ADCY1: variants seen among roughly 807,000 people sequenced by gnomAD.
ADCY1 encodes the protein adenylate cyclase type 1.
In ADCY1, 28 loss-of-function variants were observed where a neutral mutation model predicts 105.4. That is an observed-to-expected ratio of 0.27 (90% CI 0.20 to 0.36). The LOEUF is 0.36. ADCY1 is among the 10% of genes least tolerant of loss of function. ADCY1 has a pLI of 1.00. For synonymous variants in ADCY1, 655 were observed against 623.8 expected (o/e 1.05, Z -0.75); for missense variants, 977 against 1,434.2 (o/e 0.68, Z 5.15).
At chr7:45,656,159 T>C (rs1025433633) in intron 5 of ADCY1, among the ~76,000 whole-genome samples, 4 of 151,638 alleles carry the variant, frequency 2.6e-5, no homozygotes, top group Admixed American at 6.6e-5. Context: ...AAAAATTAGC[T>C]GGGCATGGTG....
chr7:45,678,280 A>C lies in ADCY1; in HGVS notation c.1898+17A>C. 1 of 1,605,234 alleles carries C rather than the reference A, an allele frequency of 6.2e-7. No homozygotes were observed. The highest frequency in any genetic ancestry group is 8.5e-7 in the Non-Finnish European group (1 of 1,172,000). On this transcript the variant is annotated intron_variant, in intron 10 of 19. Coordinates refer to ENST00000297323, the MANE Select transcript of ADCY1 (RefSeq NM_021116.4). ...ATTCCCACAGTGAGTATTTCTATCAACGAGGTGAGGAACTCACCAAGAAGT... is the reference window on the plus strand; with the variant it reads ...ATTCCCACAGTGAGTATTTCTATCACCGAGGTGAGGAACTCACCAAGAAGT...
At chr7:45,628,516 C>T (rs2077653234) in intron 4 of ADCY1, among the ~76,000 whole-genome samples, 2 of 152,202 alleles carry the variant, frequency 1.3e-5, no homozygotes, top group East Asian at 1.9e-4. Flanking sequence ...GGAGGGTGAG[C>T]GGTTTCTGGA....
chr7:45,685,130 C>A (rs1434822050), intron 12 of ADCY1, 62 bp downstream of exon 12: 30 of 1,475,970 alleles, frequency 2.0e-5, no homozygotes, highest in Non-Finnish European at 2.8e-5. Context: ...GGAGGACCAG[C>A]CCAGAAGCCA....
chr7:45,719,966 T>G lies in ADCY1; in HGVS notation c.*5971T>G, dbSNP rs1785438308. 1 of 152,062 alleles carries G rather than the reference T, an allele frequency of 6.6e-6. No individual in the cohort carries two copies. Among genetic ancestry groups the G allele is most frequent in the South Asian group, 2.1e-4 (1 of 4,810 alleles). 9.4% of individuals were successfully genotyped at this position (152,062 alleles called of 1,614,324 possible). A position where few individuals can be genotyped will look rare whatever the true frequency, so the allele number is the denominator to read the frequency against. ...TAACTAGGTTCCATTTTCTTTGGTT[T>G]GGTTACTTATTTTTTCTTTTTGGGT... On this transcript the variant is annotated 3_prime_UTR_variant, in exon 20 of 20. Transcript: ENST00000297323.
chr7:45,721,702 G>A lies in ADCY1; in HGVS notation c.*7707G>A. 2 of 398,672 alleles carry A rather than the reference G, an allele frequency of 5.0e-6. No individual in the cohort carries two copies. The highest frequency in any genetic ancestry group is 8.8e-6 in the Non-Finnish European group (2 of 226,140). The allele number at this position is 398,672 out of a possible 1,614,324, so 24.7% of individuals were successfully genotyped here. A position where few individuals can be genotyped will look rare whatever the true frequency, so the allele number is the denominator to read the frequency against. The stretch of plus-strand genomic sequence containing the variant: ...GGTCCGGGTGCCTTCCCAGGGGTTA[G>A]AGGATGTTCAAAGGGCCGATTTCAG... On this transcript the variant is annotated 3_prime_UTR_variant, in exon 20 of 20. Transcript: ENST00000297323.
intron 3 of ADCY1, 51 bp downstream of exon 3, chr7:45,610,548 T>A: frequency 2.0e-6 from 3 of 1,493,750 alleles, no homozygotes; most frequent in Non-Finnish European, 2.8e-6. Context: ...AGCTGAGGTG[T>A]GGAGATAATG....
chr7:45,616,973 C>G (rs1490565440), intron 3 of ADCY1, among the ~76,000 whole-genome samples: 1 of 152,224 alleles, frequency 6.6e-6, no homozygotes, highest in Non-Finnish European at 1.5e-5. Flanking sequence ...GGTAGGGCAC[C>G]TTGATCCTCC....
In ADCY1 at chr7:45,721,986, G is replaced by A. The variant is rs1467983695; in HGVS notation, c.*7991G>A. 1 of 395,856 alleles carries A rather than the reference G, an allele frequency of 2.5e-6. No homozygotes were observed. Among genetic ancestry groups the A allele is most frequent in the Admixed American group, 4.4e-5 (1 of 22,606 alleles). The allele number at this position is 395,856 out of a possible 1,614,324, so 24.5% of individuals were successfully genotyped here. A position where few individuals can be genotyped will look rare whatever the true frequency, so the allele number is the denominator to read the frequency against. ...TCTCGTGCAGGACTGTGCAACAGTA[G>A]CCCAGAGCATCCTGCCTGTGGGCAT... On this transcript the variant is annotated 3_prime_UTR_variant, in exon 20 of 20. Transcript: ENST00000297323.
At chr7:45,594,646 C>G (rs1335937291) in intron 2 of ADCY1, among the ~76,000 whole-genome samples, 1 of 152,102 alleles carries the variant, frequency 6.6e-6, no homozygotes, top group Non-Finnish European at 1.5e-5. Context: ...TCTAGTCTAG[C>G]CTTTGCTGCT....
intron 4 of ADCY1, among the ~76,000 whole-genome samples, chr7:45,638,301 C>G (rs952727670): frequency 2.6e-5 from 4 of 152,148 alleles, no homozygotes; most frequent in Non-Finnish European, 4.4e-5. Context: ...CTTTTCCTTT[C>G]TATTTCATTT....
intron 3 of ADCY1, among the ~76,000 whole-genome samples, chr7:45,620,792 G>A (rs752797059): frequency 1.3e-5 from 2 of 152,184 alleles, no homozygotes; most frequent in Non-Finnish European, 1.5e-5. Flanking sequence ...ATGTTCAAAG[G>A]TTGAAATAAA....
Position 45,717,380 on chromosome 7 carries a change from T to C in ADCY1, c.*3385T>C, listed in dbSNP as rs1785378856. On this transcript the variant is annotated 3_prime_UTR_variant, in exon 20 of 20. Transcript: ENST00000297323. ...TGTTTAGCCATAATGTCCCTTGGGG[T>C]TTGGTGAAAAACAACTTCCTTTTTA... 1 of 152,634 alleles carries C rather than the reference T, an allele frequency of 6.6e-6. No individual in the cohort carries two copies. The highest frequency in any genetic ancestry group is 1.9e-4 in the East Asian group (1 of 5,178). The allele number at this position is 152,634 out of a possible 1,614,324, so 9.5% of individuals were successfully genotyped here.
Position 45,668,772 on chromosome 7 carries a change from G to C in ADCY1, c.1605+6558G>C, listed in dbSNP as rs561404841. Among the ~76,000 whole-genome samples the C allele has an allele frequency of 5.2e-4, 79 of 152,134 alleles. 1 individual carries two copies. The East Asian group carries it at 6.4e-3, about 12-fold the overall frequency. Reference sequence around the variant, plus strand: ...ATCCGTCTAGTCCTGGACTTTTTTTGGTTGGTAAGCTATTAATTATTGCCT... The same window carrying C: ...ATCCGTCTAGTCCTGGACTTTTTTTCGTTGGTAAGCTATTAATTATTGCCT... On this transcript the variant is annotated intron_variant, in intron 8 of 19. Coordinates refer to ENST00000297323, the MANE Select transcript of ADCY1 (RefSeq NM_021116.4).
chr7:45,654,775 C>T (rs576781434), intron 5 of ADCY1, among the ~76,000 whole-genome samples: 17 of 152,322 alleles, frequency 1.1e-4, no homozygotes, highest in Middle Eastern at 6.8e-3. Flanking sequence ...AACCACCACA[C>T]GTGGTTTTCC....
intron 5 of ADCY1, among the ~76,000 whole-genome samples, chr7:45,657,266 G>A (rs970658179): frequency 2.0e-5 from 3 of 152,268 alleles, no homozygotes; most frequent in African/African-American, 7.2e-5. Flanking sequence ...TGCAGATCCT[G>A]TGGATGTTTC....
chr7:45,694,307 AT>A (rs1784840263), intron 14 of ADCY1, among the ~76,000 whole-genome samples: 1 of 152,144 alleles, frequency 6.6e-6, no homozygotes, highest in South Asian at 2.1e-4. Flanking sequence ...ATATAATTAA[AT>A]TAGAAGTCCA....
intron 17 of ADCY1, among the ~76,000 whole-genome samples, chr7:45,706,536 C>G (rs1785124783): frequency 7.0e-6 from 1 of 142,938 alleles, no homozygotes; most frequent in Non-Finnish European, 1.5e-5. Flanking sequence ...AGACTTTACA[C>G]CCCTCACAAA....
chr7:45,664,677 G>A, intron 8 of ADCY1: 1 of 337,548 alleles, frequency 3.0e-6, no homozygotes, highest in Non-Finnish European at 5.0e-6. Flanking sequence ...ATGGTACACA[G>A]GCAGTTTGGT....
In ADCY1 at chr7:45,719,583, AAT is replaced by A. The variant is rs1470475270; in HGVS notation, c.*5590_*5591del. Reference sequence around the variant, plus strand: ...TGAAGTCTGTTTCACTACCTTAAAAAATAGATACTCCACTAGAGGCTGTGCTT... The same window carrying A: ...TGAAGTCTGTTTCACTACCTTAAAAAAGATACTCCACTAGAGGCTGTGCTT... On this transcript the variant is annotated 3_prime_UTR_variant, in exon 20 of 20. Transcript: ENST00000297323. 2 of 152,260 alleles carry A rather than the reference AAT, an allele frequency of 1.3e-5. No homozygotes were observed. The highest frequency in any genetic ancestry group is 2.9e-5 in the Non-Finnish European group (2 of 68,042). The allele number at this position is 152,260 out of a possible 1,614,324, so 9.4% of individuals were successfully genotyped here.
Sources: allele counts gnomAD v4.1 joint callset (sites outside exome capture counted in the v4.1 genomes callset), GRCh38; gene constraint gnomAD v4.1.1; transcripts MANE v1.5; gene names NCBI Gene and HGNC (gene_info 2026-07-23, HGNC 2026-07-21).